NAA11: variants seen among roughly 807,000 people sequenced by gnomAD.
The protein encoded by NAA11 is N-alpha-acetyltransferase 11.
NAA11 carries 15 observed loss-of-function variants against 16.1 expected under a neutral mutation model. The observed-to-expected ratio is 0.93, with a 90% CI of 0.62 to 1.44. The LOEUF is 1.44. Ranked by LOEUF, NAA11 falls within the 40% of genes most tolerant of loss-of-function variation. NAA11 has a pLI of 0.00. For missense variants in NAA11, 298 were observed against 291.3 expected (o/e 1.02, Z -0.17); for synonymous variants, 122 against 112.4 (o/e 1.09, Z -0.54).
chr4:79,288,148 G>A (rs1323665703), intron 2 of NAA11, among the ~76,000 whole-genome samples: 2 of 152,142 alleles, frequency 1.3e-5, no homozygotes. Context: ...AGTAGCTTTC[G>A]ATAGGTCAGC....
At chr4:79,179,114 G>A in the NAA11 span, among the ~76,000 whole-genome samples, 1 of 152,156 alleles carries the variant, frequency 6.6e-6, no homozygotes, top group East Asian at 1.9e-4. Context: ...GACCATTCAG[G>A]CAAAGGTGAA....
At chr4:79,204,822 T>G in the NAA11 span, among the ~76,000 whole-genome samples, 1 of 151,946 alleles carries the variant, frequency 6.6e-6, no homozygotes, top group East Asian at 1.9e-4. Context: ...ATTTGATTTT[T>G]CATTCCTGAT....
At chr4:79,224,472 T>C (rs189486058), downstream of NAA11, among the ~76,000 whole-genome samples, 6 of 152,180 alleles carry the variant, frequency 3.9e-5, no homozygotes, top group East Asian at 1.2e-3. Flanking sequence ...ATAAGTACAC[T>C]AAACATGATT....
the NAA11 span, among the ~76,000 whole-genome samples, chr4:79,172,224 AATG>A: frequency 6.6e-6 from 1 of 152,162 alleles, no homozygotes; most frequent in African/African-American, 2.4e-5. Context: ...CAGAATATAA[AATG>A]AAATAAATCA....
At chr4:79,168,364 A>G in the NAA11 span, among the ~76,000 whole-genome samples, 1,243 of 152,320 alleles carry the variant, frequency 8.2e-3, 25 homozygotes, top group African/African-American at 0.028. Flanking sequence ...AGAATGACTT[A>G]TAATCCTTTG....
the NAA11 span, among the ~76,000 whole-genome samples, chr4:79,170,665 G>C: frequency 2.0e-5 from 3 of 152,124 alleles, no homozygotes; most frequent in Non-Finnish European, 4.4e-5. Context: ...GAAAACTTGA[G>C]AAAATATATT....
At chr4:79,236,453 G>A (rs541007195) in intron 2 of NAA11, among the ~76,000 whole-genome samples, 5 of 151,826 alleles carry the variant, frequency 3.3e-5, no homozygotes, top group South Asian at 4.1e-4. Context: ...TTTGTAAAAT[G>A]TATTTTATGG....
At chr4:79,215,830 TTAAA>T in the NAA11 span, among the ~76,000 whole-genome samples, 2 of 152,150 alleles carry the variant, frequency 1.3e-5, no homozygotes, top group Non-Finnish European at 2.9e-5. Context: ...TGAGTGAGGA[TTAAA>T]TAAATGAATA....
At chr4:79,237,922 A>G (rs1453821205) in intron 2 of NAA11, among the ~76,000 whole-genome samples, 1 of 152,030 alleles carries the variant, frequency 6.6e-6, no homozygotes. Flanking sequence ...ATTAGAAGCT[A>G]TATTGCTAAT....
the NAA11 span, among the ~76,000 whole-genome samples, chr4:79,168,567 C>G: frequency 6.6e-6 from 1 of 152,294 alleles, no homozygotes; most frequent in East Asian, 1.9e-4. Flanking sequence ...ACTATTCGAA[C>G]TAGCGTGAGA....
chr4:79,262,196 G>C (rs886087455), intron 2 of NAA11, among the ~76,000 whole-genome samples: 1 of 152,082 alleles, frequency 6.6e-6, no homozygotes, highest in Non-Finnish European at 1.5e-5. Context: ...GTGGATCCAA[G>C]AAAGAACTAG....
downstream of NAA11, among the ~76,000 whole-genome samples, chr4:79,223,196 G>A (rs1365259224): frequency 8.6e-5 from 13 of 151,004 alleles, no homozygotes; most frequent in African/African-American, 2.2e-4. Context: ...TCATGCACAC[G>A]TATGTTTATT....
intron 2 of NAA11, among the ~76,000 whole-genome samples, chr4:79,254,792 T>C (rs957831823): frequency 1.3e-5 from 2 of 151,948 alleles, no homozygotes; most frequent in African/African-American, 4.8e-5. Context: ...AAATGACACA[T>C]ATACCATATA....
chr4:79,291,262 G>C (rs1723077326), intron 2 of NAA11, among the ~76,000 whole-genome samples: 1 of 151,646 alleles, frequency 6.6e-6, no homozygotes, highest in Non-Finnish European at 1.5e-5. Context: ...AGGAGTTGGG[G>C]ACCAGCCTGG....
rs1443704726 is a variant in NAA11 at position 79,291,491 on chromosome 4, G to A, written c.*122+2514C>T. 5.3e-5 allele frequency among the ~76,000 whole-genome samples: 8 copies of A among 152,046 alleles called. No individual in the cohort carries two copies. The South Asian group carries it at 1.0e-3, about 20-fold the overall frequency. On this transcript the variant is annotated intron_variant and NMD_transcript_variant, in intron 2 of 2. Coordinates refer to the NAA11 transcript ENST00000511542. Reference sequence around the variant, plus strand: ...ATTAAAAATAAAAAAGAATTGGGCCGGGCCTGGTGGCTCACCTGAGGTTAG... The same window carrying A: ...ATTAAAAATAAAAAAGAATTGGGCCAGGCCTGGTGGCTCACCTGAGGTTAG...
At chr4:79,221,637 T>C (rs1425386359), downstream of NAA11, among the ~76,000 whole-genome samples, 4 of 104,258 alleles carry the variant, frequency 3.8e-5, no homozygotes, top group Admixed American at 4.3e-4. Context: ...GATAATCATG[T>C]GGTTTTTGTC....
At chr4:79,180,456 G>A in the NAA11 span, among the ~76,000 whole-genome samples, 1 of 152,126 alleles carries the variant, frequency 6.6e-6, no homozygotes, top group Non-Finnish European at 1.5e-5. Context: ...AAACATTTAT[G>A]CAGCCAACAG....
At chr4:79,205,322 C>A in the NAA11 span, among the ~76,000 whole-genome samples, 1 of 151,702 alleles carries the variant, frequency 6.6e-6, no homozygotes, top group African/African-American at 2.4e-5. Flanking sequence ...GCAGTTGTGC[C>A]GACATCTATT....
At chr4:79,298,267 G>A (rs1017335632) in intron 1 of NAA11, among the ~76,000 whole-genome samples, 36 of 152,254 alleles carry the variant, frequency 2.4e-4, no homozygotes, top group South Asian at 6.2e-4. Flanking sequence ...ATTCTTCCTG[G>A]TCACATGACA....
Sources: gnomAD v4.1 joint callset for allele counts (sites outside exome capture counted in the v4.1 genomes callset) on GRCh38, gnomAD v4.1.1 for gene constraint, MANE v1.5 for transcripts, NCBI Gene and HGNC (gene_info 2026-07-23, HGNC 2026-07-21) for gene names.